Variants in XYLT1 observed in about 807,000 individuals in gnomAD.
The protein encoded by XYLT1 is beta-D-xylosyltransferase 1.
Under a neutral mutation model 91.3 loss-of-function variants are expected in XYLT1, and 36 were observed. The ratio of observed to expected loss-of-function variants is 0.39; its 90% CI spans 0.30 to 0.52. The LOEUF (loss-of-function observed/expected upper bound fraction) is 0.52. XYLT1 is among the 20% of genes least tolerant of loss of function. XYLT1 has a pLI of 0.68. For synonymous variants in XYLT1, 588 were observed against 532.0 expected (o/e 1.11, Z -1.45); for missense variants, 1,242 against 1,284.5 (o/e 0.97, Z 0.51).
At chr16:17,247,209 T>C (rs2033450911) in intron 3 of XYLT1, among the ~76,000 whole-genome samples, 1 of 152,216 alleles carries the variant, frequency 6.6e-6, no homozygotes, top group African/African-American at 2.4e-5. Flanking sequence ...TCTGGGCTCC[T>C]TCCTTCTTGC....
intron 2 of XYLT1, among the ~76,000 whole-genome samples, chr16:17,335,409 C>G (rs951518175): frequency 1.3e-5 from 2 of 151,982 alleles, no homozygotes; most frequent in Admixed American, 6.6e-5. Flanking sequence ...GGAAGCCTTC[C>G]CATTTTAAAA....
chr16:17,417,910 A>G (rs2036200561), intron 1 of XYLT1, among the ~76,000 whole-genome samples: 1 of 152,216 alleles, frequency 6.6e-6, no homozygotes, highest in Non-Finnish European at 1.5e-5. Context: ...CCCAAGACAC[A>G]CAGGATAGAC....
chr16:17,141,261 C>A lies in XYLT1; in HGVS notation c.1479G>T (p.Ser493=). The change falls in exon 7 of 12, where the codon TCG becomes TCT. Residue 493 remains serine, a synonymous_variant. Transcript: ENST00000261381. ...IPEGIAVDGG[S]DWFLLNRRFV... is the part of the protein sequence containing the mutation. ...ACCTCCGGTTCAGCAGGAACCAGTC[C>A]GAACCGCCATCCACGGCAATGCCCT... 6.2e-7 allele frequency: 1 copy of A among 1,614,150 alleles called. No homozygotes were observed. The highest frequency in any genetic ancestry group is 8.5e-7 in the Non-Finnish European group (1 of 1,180,034).
chr16:17,348,881 T>A (rs566561205), intron 2 of XYLT1, among the ~76,000 whole-genome samples: 5 of 152,238 alleles, frequency 3.3e-5, no homozygotes, highest in Admixed American at 6.5e-5. Flanking sequence ...GAAGATCGCT[T>A]CAGCTTCAAA....
At chr16:17,255,786 T>G (rs1052434341) in intron 3 of XYLT1, among the ~76,000 whole-genome samples, 1 of 152,062 alleles carries the variant, frequency 6.6e-6, no homozygotes, top group Non-Finnish European at 1.5e-5. Flanking sequence ...GGTGTGTGGA[T>G]CATTTGAGGT....
intron 1 of XYLT1, among the ~76,000 whole-genome samples, chr16:17,392,886 A>T (rs1001828857): frequency 1.3e-5 from 2 of 152,198 alleles, no homozygotes; most frequent in African/African-American, 4.8e-5. Flanking sequence ...TAAAATACAG[A>T]TTTACTGAGC....
chr16:17,336,429 TG>T, intron 2 of XYLT1, among the ~76,000 whole-genome samples: 1 of 152,068 alleles, frequency 6.6e-6, no homozygotes, highest in Admixed American at 6.6e-5. Context: ...TCAGGGGAGA[TG>T]GAGAGGAAAG....
intron 5 of XYLT1, among the ~76,000 whole-genome samples, chr16:17,163,513 C>T (rs1161609187): frequency 1.3e-5 from 2 of 152,212 alleles, no homozygotes; most frequent in African/African-American, 2.4e-5. Context: ...CTCCCGGTGC[C>T]CACCTGGCAC....
Position 17,430,055 on chromosome 16 carries a change from G to GC in XYLT1, c.363+40378dup, listed in dbSNP as rs1477827943. Among the ~76,000 whole-genome samples the GC allele has an allele frequency of 4.0e-5, 6 of 150,548 alleles. No homozygotes were observed. In the Admixed American group the frequency reaches 4.0e-4, roughly 10 times the overall value. The stretch of plus-strand genomic sequence containing the variant: ...AGGTTCAAGTGATTCTCCTGCCTCA[G>GC]CCCCCCAAGTAGCTGGGATTACAGG... On this transcript the variant is annotated intron_variant, in intron 1 of 11. Transcript: ENST00000261381.
At chr16:17,308,694 G>T (rs2034501765) in intron 2 of XYLT1, among the ~76,000 whole-genome samples, 2 of 152,120 alleles carry the variant, frequency 1.3e-5, no homozygotes, top group Admixed American at 1.3e-4. Context: ...TCTTCTCCAA[G>T]ACCCAGTTTC....
chr16:17,178,218 T>C (rs963118698), intron 5 of XYLT1, among the ~76,000 whole-genome samples: 1 of 152,132 alleles, frequency 6.6e-6, no homozygotes, highest in Admixed American at 6.6e-5. Context: ...CTGTGTTTCA[T>C]GTGCTCCTTA....
Position 17,401,705 on chromosome 16 carries a change from GTTATTA to G in XYLT1, c.364-43661_364-43656del, listed in dbSNP as rs536472449. On this transcript the variant is annotated intron_variant, in intron 1 of 11. Coordinates refer to ENST00000261381, the MANE Select transcript of XYLT1 (RefSeq NM_022166.4). ...GTTCAATGAAGGGTTAGTGGCTATG[GTTATTA>G]TTATTATTATTATTATTATTATATC... 1.6e-4 allele frequency among the ~76,000 whole-genome samples: 24 copies of G among 150,200 alleles called. 1 individual carries two copies. The highest frequency in any genetic ancestry group is 3.9e-4 in the African/African-American group (16 of 40,896).
At chr16:17,332,138 C>G (rs973061557) in intron 2 of XYLT1, among the ~76,000 whole-genome samples, 5 of 152,242 alleles carry the variant, frequency 3.3e-5, no homozygotes, top group Non-Finnish European at 5.9e-5. Context: ...GCATGGTGCA[C>G]AGCACCTGCT....
chr16:17,402,073 T>G (rs541448495), intron 1 of XYLT1, among the ~76,000 whole-genome samples: 1 of 150,462 alleles, frequency 6.6e-6, no homozygotes, highest in Admixed American at 6.6e-5. Context: ...CTGAGGCAGG[T>G]GAATAGCTTG....
Position 17,108,724 on chromosome 16 carries a change from C to T in XYLT1, c.2851G>A (p.Ala951Thr), listed in dbSNP as rs767349679. 9 of 1,589,678 alleles carry T rather than the reference C, an allele frequency of 5.7e-6. No individual in the cohort carries two copies. In the Admixed American group the frequency reaches 1.3e-4, roughly 24 times the overall value. Residue 951 changes from alanine to threonine, a missense_variant, in exon 12 of 12, where the codon GCA becomes ACA. Physicochemically the swap from Ala to Thr is moderately conservative, Grantham distance 58. Transcript: ENST00000261381. The part of the protein sequence containing the change: ...FSPDPKSELG[A>T]VKPDGRLR ...CTGAGCCGGCCATCAGGTTTGACTG[C>T]CCCCAGCTCCGACTTGGGGTCAGGG... is the stretch of plus-strand genomic sequence containing the variant.
At chr16:17,378,356 C>A (rs2035629334) in intron 1 of XYLT1, among the ~76,000 whole-genome samples, 1 of 152,100 alleles carries the variant, frequency 6.6e-6, no homozygotes, top group South Asian at 2.1e-4. Context: ...ATAATATACA[C>A]TGTCATCTTG....
chr16:17,377,900 G>C (rs1347593012), intron 1 of XYLT1, among the ~76,000 whole-genome samples: 5 of 152,158 alleles, frequency 3.3e-5, no homozygotes, highest in Non-Finnish European at 7.3e-5. Flanking sequence ...TCAAAGAGCA[G>C]CAAAGAACCT....
chr16:17,126,902 G>C lies in XYLT1; in HGVS notation c.2223+764C>G, dbSNP rs1313369370. The stretch of plus-strand genomic sequence containing the variant: ...TGCTGGGGATACCACAGTGAAGAGG[G>C]AGACACAGTTCCAGCTCTCTTGTGA... On this transcript the variant is annotated intron_variant, in intron 10 of 11. Coordinates refer to ENST00000261381, the MANE Select transcript of XYLT1 (RefSeq NM_022166.4). Among the ~76,000 whole-genome samples the C allele has an allele frequency of 3.3e-5, 5 of 152,178 alleles. No individual in the cohort carries two copies. The South Asian group carries it at 1.0e-3, about 32-fold the overall frequency.
chr16:17,400,868 A>G (rs2035958552), intron 1 of XYLT1, among the ~76,000 whole-genome samples: 1 of 152,068 alleles, frequency 6.6e-6, no homozygotes, highest in South Asian at 2.1e-4. Flanking sequence ...ATATTGGGAA[A>G]GTAGTAACCC....
Sources: gnomAD v4.1 joint callset for allele counts (sites outside exome capture counted in the v4.1 genomes callset) on GRCh38, gnomAD v4.1.1 for gene constraint, MANE v1.5 for transcripts, NCBI Gene and HGNC (gene_info 2026-07-23, HGNC 2026-07-21) for gene names.